Variants in DNM2 observed in about 807,000 individuals in gnomAD.
The protein encoded by DNM2 is dynamin 2, also known as dynamin-2.
DNM2 carries 15 observed loss-of-function variants against 99.0 expected under a neutral mutation model. The ratio of observed to expected loss-of-function variants is 0.15; its 90% confidence interval spans 0.10 to 0.23. The LOEUF (loss-of-function observed/expected upper bound fraction) is 0.23. Ranked by LOEUF, DNM2 falls within the 10% of genes least tolerant of loss-of-function variation. The pLI is 1.00. For missense variants in DNM2, 742 were observed against 1,189.4 expected (o/e 0.62, Z 5.53); for synonymous variants, 525 against 481.2 (o/e 1.09, Z -1.19).
At chr19:10,719,390 G>A (rs537369819) in intron 1 of DNM2, among the ~76,000 whole-genome samples, 1 of 152,000 alleles carries the variant, frequency 6.6e-6, no homozygotes, top group African/African-American at 2.4e-5. Flanking sequence ...ACAAATTGGG[G>A]GCCCTCCTTT....
chr19:10,808,703 T>C, intron 14 of DNM2, 123 bp downstream of exon 14: 1 of 1,293,062 alleles, frequency 7.7e-7, no homozygotes, highest in Non-Finnish European at 1.1e-6. Flanking sequence ...AAAATCGAGC[T>C]AACCTGGAAA....
chr19:10,796,851 G>A lies in DNM2; in HGVS notation c.1197-529G>A, dbSNP rs1039180653. On this transcript the variant is annotated intron_variant, in intron 9 of 20. Transcript: ENST00000389253. This position sits in a 1 kb window ranked among gnomAD's most constrained non-coding sequence, Gnocchi z 5.6. ...CTCCCCCAACCCGCGCCAACGCCGC[G>A]GGCCTGGTTCCCAGGGCAGCACGCT... 1.3e-5 allele frequency among the ~76,000 whole-genome samples: 2 copies of A among 151,974 alleles called. No individual in the cohort carries two copies. Among genetic ancestry groups the A allele is most frequent in the African/African-American group, 2.4e-5 (1 of 41,366 alleles).
chr19:10,727,559 G>T (rs2069154591), intron 1 of DNM2, among the ~76,000 whole-genome samples: 1 of 151,864 alleles, frequency 6.6e-6, no homozygotes, highest in Non-Finnish European at 1.5e-5. Flanking sequence ...GTAGAGGTGG[G>T]GTCTCATTAT....
At chr19:10,794,293 A>T (rs1183690515) in intron 8 of DNM2, among the ~76,000 whole-genome samples, 2 of 151,546 alleles carry the variant, frequency 1.3e-5, no homozygotes, top group African/African-American at 4.9e-5. Context: ...ATTTGCAAGG[A>T]TGTTTGCAAA....
intron 6 of DNM2, among the ~76,000 whole-genome samples, chr19:10,783,871 T>C (rs2071466340): frequency 6.6e-6 from 1 of 151,848 alleles, no homozygotes; most frequent in Non-Finnish European, 1.5e-5. Context: ...TGGCTAATTT[T>C]TGTATTTTTA....
In DNM2 at chr19:10,830,893, G is replaced by T. The variant is rs1234002271; in HGVS notation, c.2544-85G>T. ...CACCCTGGGGTGGTGTGTGGGTGGG[G>T]GCTGGGTCCTCAACCCAGGCCTGCC... On this transcript the variant is annotated intron_variant, in intron 20 of 20. Transcript: ENST00000389253. The surrounding 1 kb of genome is among the most constrained non-coding windows in gnomAD (Gnocchi z 4.8). The T allele has an allele frequency of 3.4e-5, 51 of 1,484,724 alleles. No homozygotes were observed. Among genetic ancestry groups the T allele is most frequent in the Non-Finnish European group, 4.6e-5 (51 of 1,101,318 alleles). The allele number at this position is 1,484,724 out of a possible 1,614,324, so 92.0% of individuals were successfully genotyped here. A position where few individuals can be genotyped will look rare whatever the true frequency, so the allele number is the denominator to read the frequency against.
intron 1 of DNM2, among the ~76,000 whole-genome samples, chr19:10,719,392 C>A (rs533300875): frequency 2.6e-5 from 4 of 152,144 alleles, no homozygotes; most frequent in African/African-American, 9.6e-5. Context: ...AAATTGGGGG[C>A]CCTCCTTTGG....
chr19:10,812,063 A>T lies in DNM2; in HGVS notation c.1558-201A>T. Reference sequence around the variant, plus strand: ...GCCCAGTGAGTCTGTCTGTCCGCCCACCTGCCCAGGTGGCGCCTCATGTTG... The same window carrying T: ...GCCCAGTGAGTCTGTCTGTCCGCCCTCCTGCCCAGGTGGCGCCTCATGTTG... On this transcript the variant is annotated intron_variant, in intron 14 of 20. Transcript: ENST00000389253. The surrounding 1 kb of genome is among the most constrained non-coding windows in gnomAD (Gnocchi z 4.0). 1 of 547,844 alleles carries T rather than the reference A, an allele frequency of 1.8e-6. No individual in the cohort carries two copies. Among genetic ancestry groups the T allele is most frequent in the Non-Finnish European group, 3.5e-6 (1 of 286,902 alleles). 33.9% of individuals were successfully genotyped at this position (547,844 alleles called of 1,614,324 possible).
intron 11 of DNM2, among the ~76,000 whole-genome samples, chr19:10,800,644 G>A (rs552844081): frequency 6.6e-6 from 1 of 152,376 alleles, no homozygotes; most frequent in South Asian, 2.1e-4. Flanking sequence ...TCAGGAACTT[G>A]GAGGTGCAGT....
chr19:10,770,746 A>T (rs1196359829), intron 2 of DNM2, among the ~76,000 whole-genome samples: 1 of 152,168 alleles, frequency 6.6e-6, no homozygotes, highest in Non-Finnish European at 1.5e-5. Context: ...TCCTGTTTTT[A>T]AAACCATCAG....
At chr19:10,763,799 G>A (rs945671736) in intron 2 of DNM2, among the ~76,000 whole-genome samples, 8 of 152,220 alleles carry the variant, frequency 5.3e-5, no homozygotes, top group African/African-American at 9.6e-5. Flanking sequence ...TGGCATGCAT[G>A]GTGGCGGGAG....
chr19:10,757,850 C>T (rs1381978643), intron 1 of DNM2, among the ~76,000 whole-genome samples: 8 of 147,678 alleles, frequency 5.4e-5, no homozygotes. Flanking sequence ...GAGGCTGAGG[C>T]AGGAGAATCG....
intron 1 of DNM2, among the ~76,000 whole-genome samples, chr19:10,755,957 C>CCTGACCTGAGACACTGCGT (rs1411855277): frequency 1.3e-5 from 2 of 152,190 alleles, no homozygotes; most frequent in African/African-American, 4.8e-5. Flanking sequence ...AGCCACTGTG[C>CCTGACCTGAGACACTGCGT]CTGACCTGAG....
intron 1 of DNM2, among the ~76,000 whole-genome samples, chr19:10,736,416 C>T (rs1027194902): frequency 2.0e-5 from 3 of 152,214 alleles, no homozygotes; most frequent in Non-Finnish European, 4.4e-5. Flanking sequence ...CCACTCATTT[C>T]TATATTGCTG....
At position 10,821,034 on chromosome 19, in the gene DNM2, G is replaced by A. The variant is rs369226008; in HGVS notation, c.1781+945G>A. Among the ~76,000 whole-genome samples the A allele has an allele frequency of 3.3e-4, 50 of 152,280 alleles. No homozygotes were observed. In the East Asian group the frequency reaches 8.9e-3, roughly 27 times the overall value. On this transcript the variant is annotated intron_variant, in intron 16 of 20. Coordinates refer to ENST00000389253, the MANE Select transcript of DNM2 (RefSeq NM_001005361.3). ...GGGATTAGCTGTCAGTAAAGGCCCG[G>A]TGGTACCCTGAGACCTGTAGGCAGG...
chr19:10,783,148 C>T (rs772933182), intron 6 of DNM2, 28 bp downstream of exon 6: 6 of 1,605,636 alleles, frequency 3.7e-6, no homozygotes, highest in Non-Finnish European at 5.1e-6. Flanking sequence ...ACGTAGTGTG[C>T]AGTGGCATAG....
chr19:10,797,586 G>A (rs558439240), intron 10 of DNM2, 68 bp downstream of exon 10: 11 of 1,611,142 alleles, frequency 6.8e-6, no homozygotes, highest in African/African-American at 4.0e-5. Flanking sequence ...GTCTCAACCC[G>A]AGCATCTGGA....
At position 10,817,394 on chromosome 19, in the gene DNM2, G is replaced by A. The variant is rs1298075231; in HGVS notation, c.1672-2586G>A. The A allele has an allele frequency of 1.4e-5, 7 of 491,370 alleles. No homozygotes were observed. The highest frequency in any genetic ancestry group is 2.9e-5 in the Non-Finnish European group (7 of 239,124). 30.4% of individuals were successfully genotyped at this position (491,370 alleles called of 1,614,324 possible). ...ACTCACCTGCCGGCGAGTTTGGGGG[G>A]CCTGTCTCGACGAGCCGCTCACCCA... is the stretch of plus-strand genomic sequence containing the variant. On this transcript the variant is annotated intron_variant, in intron 15 of 20. Transcript: ENST00000389253. The surrounding 1 kb of genome is among the most constrained non-coding windows in gnomAD (Gnocchi z 4.6).
chr19:10,800,289 G>A (rs2072090697), intron 11 of DNM2, among the ~76,000 whole-genome samples: 1 of 152,042 alleles, frequency 6.6e-6, no homozygotes, highest in Admixed American at 6.6e-5. Context: ...TGCCATTGAT[G>A]GGGATGAAAT....
Sources: gnomAD v4.1 joint callset for allele counts (sites outside exome capture counted in the v4.1 genomes callset) on GRCh38, gnomAD v4.1.1 for gene constraint, Gnocchi (gnomAD v3.1) non-coding constraint, MANE v1.5 for transcripts, NCBI Gene and HGNC (gene_info 2026-07-23, HGNC 2026-07-21) for gene names.